CLDN15: variants seen among roughly 807,000 people sequenced by gnomAD.
CLDN15 encodes the protein claudin-15.
A neutral mutation model predicts 24.5 loss-of-function variants in CLDN15; 9 were observed. The observed-to-expected ratio is 0.37, with a 90% CI of 0.22 to 0.64. CLDN15 has a LOEUF of 0.64. CLDN15 is among the 30% of genes least tolerant of loss of function. CLDN15 has a pLI of 0.63. For synonymous variants in CLDN15, 149 were observed against 131.4 expected, an observed-to-expected ratio of 1.13 and a Z score of -0.92; for missense variants, 248 against 305.9, an observed-to-expected ratio of 0.81 and a Z score of 1.41.
Position 101,237,656 on chromosome 7 carries a change from G to A in CLDN15, c.-75C>T, listed in dbSNP as rs987308831. 17 of 1,095,224 alleles carry A rather than the reference G, an allele frequency of 1.6e-5. No homozygotes were observed. The highest frequency in any genetic ancestry group is 1.5e-4 in the Admixed American group (8 of 52,452). 67.8% of individuals were successfully genotyped at this position (1,095,224 alleles called of 1,614,324 possible). A position where few individuals can be genotyped will look rare whatever the true frequency, so the allele number is the denominator to read the frequency against. On this transcript the variant is annotated 5_prime_UTR_variant, in exon 1 of 5. Coordinates refer to ENST00000308344, the MANE Select transcript of CLDN15 (RefSeq NM_014343.3). The surrounding 1 kb of genome is among the most constrained non-coding windows in gnomAD (Gnocchi z 4.0). The stretch of plus-strand genomic sequence containing the variant: ...CAGAACCCCTAGGGAACTGGAAGGG[G>A]CTGCGGCTAAGGAGGGTTGTCCAGG...
chr7:101,237,881 C>A (rs1264582087), upstream of CLDN15: 2 of 422,368 alleles, frequency 4.7e-6, no homozygotes, highest in Non-Finnish European at 8.9e-6. The surrounding 1 kb of genome is among the most constrained non-coding windows in gnomAD (Gnocchi z 4.0). Context: ...CCCCTCCCCC[C>A]AGCCTCTGGG....
chr7:101,236,853 C>T (rs775952914), intron 1 of CLDN15: 1 of 1,275,372 alleles, frequency 7.8e-7, no homozygotes, highest in Non-Finnish European at 1.0e-6. Context: ...GAGACCAGTG[C>T]CCCCCGACAG....
Position 101,232,121 on chromosome 7 carries a change from A to G in CLDN15, c.*289T>C. 3.2e-6 allele frequency: 1 copy of G among 308,456 alleles called. No homozygotes were observed. The highest frequency in any genetic ancestry group is 6.0e-6 in the Non-Finnish European group (1 of 167,788). 19.1% of individuals were successfully genotyped at this position (308,456 alleles called of 1,614,324 possible). ...CGGTCACAATATGCATTTATTAATG[A>G]ATGTATTTATACACAATACAAACGT... On this transcript the variant is annotated 3_prime_UTR_variant, in exon 5 of 5. Transcript: ENST00000308344.
chr7:101,232,272 A>G lies in CLDN15; in HGVS notation c.*138T>C. The G allele has an allele frequency of 1.6e-6, 1 of 619,732 alleles. No individual in the cohort carries two copies. Among genetic ancestry groups the G allele is most frequent in the Non-Finnish European group, 2.8e-6 (1 of 352,404 alleles). The allele number at this position is 619,732 out of a possible 1,614,324, so 38.4% of individuals were successfully genotyped here. A position where few individuals can be genotyped will look rare whatever the true frequency, so the allele number is the denominator to read the frequency against. On this transcript the variant is annotated 3_prime_UTR_variant, in exon 5 of 5. Coordinates refer to ENST00000308344, the MANE Select transcript of CLDN15 (RefSeq NM_014343.3). ...CCTGGAGGGGCCATGAGAGTGCAAG[A>G]CACGGGGCCGTGGCCGGGGCGGGGC...
At chr7:101,234,175 T>C (rs2302428) in intron 2 of CLDN15, 103 bp downstream of exon 2, 281,220 of 940,996 alleles carry the variant, frequency 0.3, 45,024 homozygotes, top group African/African-American at 0.53. Flanking sequence ...GTAGGGGAGG[T>C]GAGCATGAGG....
At chr7:101,238,036 C>T, upstream of CLDN15, 1 of 235,220 alleles carries the variant, frequency 4.3e-6, no homozygotes, top group Non-Finnish European at 8.6e-6. Context: ...TCATTGGGGG[C>T]CAAAGAACGG....
chr7:101,236,919 T>G, intron 1 of CLDN15: 1 of 814,388 alleles, frequency 1.2e-6, no homozygotes, highest in Non-Finnish European at 1.8e-6. Flanking sequence ...GAATCCAAGA[T>G]GGGGCCTCCT....
At chr7:101,234,925 C>T (rs1410283732) in intron 1 of CLDN15, among the ~76,000 whole-genome samples, 3 of 152,106 alleles carry the variant, frequency 2.0e-5, no homozygotes, top group South Asian at 2.1e-4. Context: ...GCACTCTTGA[C>T]ACCTGAGCTG....
Position 101,232,729 on chromosome 7 carries a change from A to G in CLDN15, c.465-9T>C. 4 of 1,589,022 alleles carry G rather than the reference A, an allele frequency of 2.5e-6. No individual in the cohort carries two copies. Among genetic ancestry groups the G allele is most frequent in the Non-Finnish European group, 3.4e-6 (4 of 1,164,578 alleles). On this transcript the variant is annotated splice_polypyrimidine_tract_variant and intron_variant, in intron 3 of 4. Transcript: ENST00000308344. ...CGGGGCCCAGCTCGTACCTGCGCAC[A>G]AGGGCGGCGCGGGGGCGGGGGACAA... is the stretch of plus-strand genomic sequence containing the variant.
chr7:101,236,673 C>A, intron 1 of CLDN15: 2 of 1,202,286 alleles, frequency 1.7e-6, no homozygotes, highest in Non-Finnish European at 2.2e-6. Flanking sequence ...GAAAGAACTG[C>A]CCTGGGCCCA....
Position 101,237,360 on chromosome 7 carries a change from C to A in CLDN15, c.217+5G>T. 5 of 1,596,730 alleles carry A rather than the reference C, an allele frequency of 3.1e-6. No individual in the cohort carries two copies. The highest frequency in any genetic ancestry group is 4.3e-6 in the Non-Finnish European group (5 of 1,168,116). On this transcript the variant is annotated splice_donor_5th_base_variant and intron_variant, in intron 1 of 4. Transcript: ENST00000308344. This position sits in a 1 kb window ranked among gnomAD's most constrained non-coding sequence, Gnocchi z 4.0. The stretch of plus-strand genomic sequence containing the variant: ...TCTCTCCCTGGAGCGCTCCCCACCC[C>A]ATACCAGAGAGGGCCAGCATGGACG...
Position 101,232,619 on chromosome 7 carries a change from T to C in CLDN15, c.566A>G (p.Glu189Gly), listed in dbSNP as rs571133331. ...CCCTGCTCACCTGGCGGCTGGGTCC[T>C]CGTCAGAGCCGCAGCAGCAGGCGGA... is the stretch of plus-strand genomic sequence containing the variant. Reference protein sequence around the residue: ...LCSACCCGSDEDPAASARRPY... With the variant: ...LCSACCCGSDGDPAASARRPY... Residue 189 changes from glutamate to glycine, a missense_variant, in exon 4 of 5, where the codon GAG (glutamate) becomes GGG (glycine). Transcript: ENST00000308344. The C allele has an allele frequency of 6.3e-7, 1 of 1,590,256 alleles. No individual in the cohort carries two copies. Among genetic ancestry groups the C allele is most frequent in the East Asian group, 2.3e-5 (1 of 43,956 alleles).
rs1210953320 is a variant in CLDN15 at position 101,237,253 on chromosome 7, C to T, written c.217+112G>A. ...ACTCCTGGCTGCGGGAACTCAGACCCGCAGAGCTTAATTCAGGGCTCCCTG... is the reference window on the plus strand; with the variant it reads ...ACTCCTGGCTGCGGGAACTCAGACCTGCAGAGCTTAATTCAGGGCTCCCTG... On this transcript the variant is annotated intron_variant, in intron 1 of 4. Coordinates refer to ENST00000308344, the MANE Select transcript of CLDN15 (RefSeq NM_014343.3). This position sits in a 1 kb window ranked among gnomAD's most constrained non-coding sequence, Gnocchi z 4.0. The T allele has an allele frequency of 9.2e-6, 7 of 764,664 alleles. No individual in the cohort carries two copies. The highest frequency in any genetic ancestry group is 2.1e-5 in the Admixed American group (1 of 48,552). The allele number at this position is 764,664 out of a possible 1,614,324, so 47.4% of individuals were successfully genotyped here.
At position 101,232,351 on chromosome 7, in the gene CLDN15, G is replaced by A; in HGVS notation, c.*59C>T. 1 of 1,291,882 alleles carries A rather than the reference G, an allele frequency of 7.7e-7. No individual in the cohort carries two copies. The highest frequency in any genetic ancestry group is 1.2e-5 in the South Asian group (1 of 80,940). The allele number at this position is 1,291,882 out of a possible 1,614,324, so 80.0% of individuals were successfully genotyped here. Reference sequence around the variant, plus strand: ...AGGTTACTATAGGGGAATGGGCCCCGGCCAGGTCCCCTCTCCTTGGGGCAG... The same window carrying A: ...AGGTTACTATAGGGGAATGGGCCCCAGCCAGGTCCCCTCTCCTTGGGGCAG... On this transcript the variant is annotated 3_prime_UTR_variant, in exon 5 of 5. Transcript: ENST00000308344.
chr7:101,234,736 T>A (rs931505043), intron 1 of CLDN15, among the ~76,000 whole-genome samples: 1 of 152,048 alleles, frequency 6.6e-6, no homozygotes, highest in African/African-American at 2.4e-5. Flanking sequence ...CCCCCTCACC[T>A]TCTTGCTCTC....
Position 101,232,461 on chromosome 7 carries a change from G to C in CLDN15, c.636C>G (p.Asp212Glu). The part of the protein sequence containing the change: ...PVSVMPVATS[D>E]QEGDSSFGKY... ...TGCCAAAGCTGCTGTCGCCTTCTTGGTCCGAGGTGGCGACGGGCATCACGG... is the reference window on the plus strand; with the variant it reads ...TGCCAAAGCTGCTGTCGCCTTCTTGCTCCGAGGTGGCGACGGGCATCACGG... Residue 212 changes from aspartate (D) to glutamate (E), a missense_variant, in exon 5 of 5, where the codon GAC becomes GAG. Coordinates refer to ENST00000308344, the MANE Select transcript of CLDN15 (RefSeq NM_014343.3). 6.2e-7 allele frequency: 1 copy of C among 1,613,550 alleles called. No individual in the cohort carries two copies. The highest frequency in any genetic ancestry group is 8.5e-7 in the Non-Finnish European group (1 of 1,179,666).
In CLDN15 at chr7:101,234,342, C is replaced by T. The variant is rs762748647; in HGVS notation, c.318G>A (p.Gly106=). Residue 106 remains glycine, a synonymous_variant, in exon 2 of 5, where the codon GGG becomes GGA. Transcript: ENST00000308344. ...TGGCTTTCCTGGAGAGCTCCAGGCCCCCAATGTTGGTGCAGCGCAGGCCCG... is the reference window on the plus strand; with the variant it reads ...TGGCTTTCCTGGAGAGCTCCAGGCCTCCAATGTTGGTGCAGCGCAGGCCCG... The part of the protein sequence containing the change: ...GIAGLRCTNI[G]GLELSRKAKL... The T allele has an allele frequency of 6.2e-7, 1 of 1,612,160 alleles. No individual in the cohort carries two copies. Among genetic ancestry groups the T allele is most frequent in the African/African-American group, 1.3e-5 (1 of 75,034 alleles).
chr7:101,235,354 C>T (rs1200261881), intron 1 of CLDN15, among the ~76,000 whole-genome samples: 8 of 152,154 alleles, frequency 5.3e-5, no homozygotes, highest in Admixed American at 5.2e-4. Context: ...TGATTGAACT[C>T]CTGGATGCAG....
Position 101,232,417 on chromosome 7 carries a change from T to C in CLDN15, c.680A>G (p.Tyr227Cys), listed in dbSNP as rs769045851. 2 of 1,610,798 alleles carry C rather than the reference T, an allele frequency of 1.2e-6. No individual in the cohort carries two copies. Among genetic ancestry groups the C allele is most frequent in the Non-Finnish European group, 1.7e-6 (2 of 1,177,572 alleles). ...SSFGKYGRNA[Y>C]V ...GCCCACGGGCCAGAGCTGCTACACGTAGGCGTTTCTGCCGTATTTGCCAAA... is the reference window on the plus strand; with the variant it reads ...GCCCACGGGCCAGAGCTGCTACACGCAGGCGTTTCTGCCGTATTTGCCAAA... The change falls in exon 5 of 5, where the codon TAC becomes TGC. Residue 227 changes from tyrosine to cysteine, a missense_variant. By Grantham distance (194) the Tyr-to-Cys change is radical (BLOSUM62 -2). Coordinates refer to ENST00000308344, the MANE Select transcript of CLDN15 (RefSeq NM_014343.3).
Sources: allele counts gnomAD v4.1 joint callset (sites outside exome capture counted in the v4.1 genomes callset), GRCh38; gene constraint gnomAD v4.1.1; non-coding constraint Gnocchi (gnomAD v3.1); transcripts MANE v1.5; gene names NCBI Gene and HGNC (gene_info 2026-07-23, HGNC 2026-07-21).